PAK2: variants seen among roughly 807,000 people sequenced by gnomAD.
PAK2 encodes p21 (RAC1) activated kinase 2.
PAK2 carries 21 observed loss-of-function variants against 65.9 expected under a neutral mutation model. The observed-to-expected ratio is 0.32, with a 90% confidence interval of 0.23 to 0.46. The LOEUF (loss-of-function observed/expected upper bound fraction) is 0.46, where lower values mean the gene tolerates loss of function less well. Among genes scored for constraint, PAK2 ranks in the 20% least tolerant of loss-of-function variants. PAK2 has a pLI of 1.00. For missense variants in PAK2, 324 were observed against 642.6 expected (o/e 0.50, Z 5.36); for synonymous variants, 204 against 219.7 (o/e 0.93, Z 0.63).
At chr3:196,772,181 T>G (rs544255343) in intron 1 of PAK2, among the ~76,000 whole-genome samples, 1 of 152,300 alleles carries the variant, frequency 6.6e-6, no homozygotes, top group East Asian at 1.9e-4. Flanking sequence ...TATTCCTGAT[T>G]GGTTGTTATG....
At chr3:196,804,830 T>C (rs9828995) in intron 4 of PAK2, among the ~76,000 whole-genome samples, 304 of 2,598 alleles carry the variant, frequency 0.12, 1 homozygote, top group African/African-American at 0.4. Flanking sequence ...TATATACACA[T>C]ATATATATAT....
intron 1 of PAK2, among the ~76,000 whole-genome samples, chr3:196,767,833 A>G (rs551411664): frequency 8.5e-5 from 13 of 152,176 alleles, no homozygotes; most frequent in African/African-American, 3.1e-4. Flanking sequence ...GATCACAACT[A>G]TACTAAAAGC....
At chr3:196,822,742 G>A (rs533925761) in intron 13 of PAK2, among the ~76,000 whole-genome samples, 10 of 152,140 alleles carry the variant, frequency 6.6e-5, no homozygotes, top group Admixed American at 3.9e-4. Flanking sequence ...AATCAAAAGC[G>A]TGCATAGGGA....
chr3:196,753,656 G>C (rs1173355518), intron 1 of PAK2, among the ~76,000 whole-genome samples: 2 of 152,080 alleles, frequency 1.3e-5, no homozygotes, highest in East Asian at 3.9e-4. Flanking sequence ...TTTTCACTAG[G>C]AGTACCTGGA....
At chr3:196,774,050 A>C (rs562323532) in intron 1 of PAK2, among the ~76,000 whole-genome samples, 62 of 152,304 alleles carry the variant, frequency 4.1e-4, no homozygotes, top group African/African-American at 1.3e-3. Flanking sequence ...ACAACAACAA[A>C]AAAAATCTGT....
intron 1 of PAK2, among the ~76,000 whole-genome samples, chr3:196,740,429 T>A (rs2108700170): frequency 6.6e-6 from 1 of 152,246 alleles, no homozygotes; most frequent in Admixed American, 6.5e-5. Context: ...AGCCCTGCTC[T>A]GAACCTCGCG....
rs1157278051 is a variant in PAK2 at position 196,829,126 on chromosome 3, C to G, written c.*721C>G. ...TGTATAGAGAGAAGACTAATAATCT[C>G]TATTTATAACTAAATCATTGAGATA... On this transcript the variant is annotated 3_prime_UTR_variant, in exon 15 of 15. Transcript: ENST00000327134. 3.3e-5 allele frequency: 5 copies of G among 152,646 alleles called. No homozygotes were observed. Among genetic ancestry groups the G allele is most frequent in the Non-Finnish European group, 7.3e-5 (5 of 68,038 alleles). The allele number at this position is 152,646 out of a possible 1,614,324, so 9.5% of individuals were successfully genotyped here.
intron 1 of PAK2, among the ~76,000 whole-genome samples, chr3:196,751,877 G>A (rs1477817650): frequency 6.7e-6 from 1 of 149,672 alleles, no homozygotes; most frequent in Non-Finnish European, 1.5e-5. Context: ...TGAGTAGCTG[G>A]GATTACAGGC....
At position 196,743,362 on chromosome 3, in the gene PAK2, T is replaced by A. The variant is rs79383133; in HGVS notation, c.-22+3205T>A. Among the ~76,000 whole-genome samples the A allele has an allele frequency of 9.9e-3, 1,502 of 152,294 alleles. 25 individuals are homozygous for A. The highest frequency in any genetic ancestry group is 0.034 in the African/African-American group (1,419 of 41,556). ...GTTCTACTTTACCCTGGGCAAGATA[T>A]ACATTCTTTTCAAGACTTGCTTTTC... On this transcript the variant is annotated intron_variant, in intron 1 of 14. Coordinates refer to ENST00000327134, the MANE Select transcript of PAK2 (RefSeq NM_002577.4).
chr3:196,821,077 T>C (rs1211480730), intron 13 of PAK2, among the ~76,000 whole-genome samples: 3 of 152,106 alleles, frequency 2.0e-5, no homozygotes, highest in African/African-American at 7.2e-5. Flanking sequence ...TTGACCTCAG[T>C]TGATCCACTC....
At chr3:196,793,087 A>G (rs1167047018) in intron 2 of PAK2, among the ~76,000 whole-genome samples, 1 of 152,190 alleles carries the variant, frequency 6.6e-6, no homozygotes, top group Admixed American at 6.6e-5. Context: ...GAGAAGGGGG[A>G]TTAGTTGAAA....
chr3:196,744,984 T>G (rs1274804105), intron 1 of PAK2, among the ~76,000 whole-genome samples: 1 of 152,186 alleles, frequency 6.6e-6, no homozygotes, highest in East Asian at 1.9e-4. Flanking sequence ...ATTTCCTTAT[T>G]GAGTTGTAGA....
At chr3:196,793,701 A>T (rs1031943915) in intron 2 of PAK2, among the ~76,000 whole-genome samples, 1 of 152,244 alleles carries the variant, frequency 6.6e-6, no homozygotes, top group African/African-American at 2.4e-5. Context: ...GAGATAGAGG[A>T]ATCCATGAAA....
chr3:196,796,261 AC>A (rs1308615110), intron 2 of PAK2, among the ~76,000 whole-genome samples: 2 of 152,222 alleles, frequency 1.3e-5, no homozygotes, highest in African/African-American at 4.8e-5. Flanking sequence ...TTTTAAGAAA[AC>A]AAAGCACTGA....
intron 2 of PAK2, among the ~76,000 whole-genome samples, chr3:196,795,757 G>C (rs755949671): frequency 6.6e-6 from 1 of 152,162 alleles, no homozygotes; most frequent in Non-Finnish European, 1.5e-5. Flanking sequence ...TCAGCAGACA[G>C]ACTACAAAAA....
chr3:196,751,857 C>T (rs1434951765), intron 1 of PAK2, among the ~76,000 whole-genome samples: 1 of 149,314 alleles, frequency 6.7e-6, no homozygotes, highest in Non-Finnish European at 1.5e-5. Flanking sequence ...ATTCTCCTGC[C>T]TCAGTCTCCT....
At chr3:196,768,085 C>T (rs1056302443) in intron 1 of PAK2, among the ~76,000 whole-genome samples, 3 of 152,002 alleles carry the variant, frequency 2.0e-5, no homozygotes, top group Non-Finnish European at 4.4e-5. Context: ...AAAATATTTT[C>T]ATATGTGAAA....
intron 1 of PAK2, among the ~76,000 whole-genome samples, chr3:196,748,965 A>T (rs1244888318): frequency 6.6e-6 from 1 of 152,152 alleles, no homozygotes; most frequent in Non-Finnish European, 1.5e-5. Context: ...TTCTGTCTGC[A>T]TGATTTTGGC....
chr3:196,742,165 C>T (rs1033709021), intron 1 of PAK2, among the ~76,000 whole-genome samples: 21 of 147,948 alleles, frequency 1.4e-4, no homozygotes, highest in African/African-American at 5.2e-4. Context: ...GTGCGATCAC[C>T]GCAACCTCCG....
Sources: allele counts gnomAD v4.1 joint callset (sites outside exome capture counted in the v4.1 genomes callset), GRCh38; gene constraint gnomAD v4.1.1; transcripts MANE v1.5; gene names NCBI Gene and HGNC (gene_info 2026-07-23, HGNC 2026-07-21).